ZNF496: variants seen among roughly 807,000 people sequenced by gnomAD.
The protein encoded by ZNF496 is NSD1 (nuclear receptor binding SET-domain containing 1)-interacting zinc finger protein 1.
ZNF496 carries 11 observed loss-of-function variants against 58.9 expected under a neutral mutation model. The ratio of observed to expected loss-of-function variants is 0.19; its 90% CI spans 0.12 to 0.31. The LOEUF is 0.31. Ranked by LOEUF, ZNF496 falls within the 10% of genes least tolerant of loss-of-function variation. ZNF496 has a pLI of 1.00. For synonymous variants in ZNF496, 338 were observed against 318.2 expected (o/e 1.06, Z -0.66); for missense variants, 660 against 783.0 (o/e 0.84, Z 1.88).
chr1:247,301,026 G>T lies in ZNF496; in HGVS notation c.1257C>A (p.Val419=). The T allele has an allele frequency of 6.2e-7, 1 of 1,613,724 alleles. No homozygotes were observed. The highest frequency in any genetic ancestry group is 8.5e-7 in the Non-Finnish European group (1 of 1,180,044). The change falls in exon 10 of 10, where the codon GTC becomes GTA. Residue 419 remains valine (V), a synonymous_variant. Transcript: ENST00000682384. ...GGCTCCGCAGATGCCGGATGAAGTTGACCCTCCAGCGGAAGATTTTCCCAC... is the reference window on the plus strand; with the variant it reads ...GGCTCCGCAGATGCCGGATGAAGTTTACCCTCCAGCGGAAGATTTTCCCAC... The part of the protein sequence containing the change: ...PNCGKIFRWR[V]NFIRHLRSRR...
In ZNF496 at chr1:247,329,011, C is replaced by A; in HGVS notation, c.391-145G>T. On this transcript the variant is annotated intron_variant, in intron 4 of 9. Transcript: ENST00000682384. The surrounding 1 kb of genome is among the most constrained non-coding windows in gnomAD (Gnocchi z 5.5). ...TGTAAAGGGGCACGACACTATCATG[C>A]CCAAATTAGAGCCTTCAGGGAGTAA... 1 of 1,386,348 alleles carries A rather than the reference C, an allele frequency of 7.2e-7. No individual in the cohort carries two copies. The highest frequency in any genetic ancestry group is 2.3e-5 in the East Asian group (1 of 43,156). The allele number at this position is 1,386,348 out of a possible 1,614,324, so 85.9% of individuals were successfully genotyped here.
In ZNF496 at chr1:247,308,971, T is replaced by C. The variant is rs1016745007; in HGVS notation, c.893-383A>G. ...CTGCACAAACAGCTTGTGCAGAGCC[T>C]ACAGGGTAGAGATGGTACAGGAGCT... On this transcript the variant is annotated intron_variant, in intron 8 of 9. Transcript: ENST00000682384. The surrounding 1 kb of genome is among the most constrained non-coding windows in gnomAD (Gnocchi z 4.5). 3 of 254,884 alleles carry C rather than the reference T, an allele frequency of 1.2e-5. No individual in the cohort carries two copies. Among genetic ancestry groups the C allele is most frequent in the Admixed American group, 1.0e-4 (2 of 19,676 alleles). The allele number at this position is 254,884 out of a possible 1,614,324, so 15.8% of individuals were successfully genotyped here.
At position 247,327,811 on chromosome 1, in the gene ZNF496, C is replaced by T. The variant is rs866398520; in HGVS notation, c.574+872G>A. 9.9e-4 allele frequency among the ~76,000 whole-genome samples: 76 copies of T among 76,728 alleles called. 1 individual carries two copies. The highest frequency in any genetic ancestry group is 2.0e-3 in the African/African-American group (44 of 22,070). 50.3% of individuals were successfully genotyped at this position (76,728 alleles called of 152,430 possible). Reference sequence around the variant, plus strand: ...AGTCCACCCAGAGTCATAAGAAAGCCCCCCTGGCCCCCCAGACACTCTCTT... The same window carrying T: ...AGTCCACCCAGAGTCATAAGAAAGCTCCCCTGGCCCCCCAGACACTCTCTT... On this transcript the variant is annotated intron_variant, in intron 5 of 9. Coordinates refer to ENST00000682384, the MANE Select transcript of ZNF496 (RefSeq NM_032752.3).
intron 6 of ZNF496, among the ~76,000 whole-genome samples, chr1:247,320,604 T>A (rs1227068463): frequency 2.0e-5 from 3 of 152,210 alleles, no homozygotes; most frequent in Non-Finnish European, 2.9e-5. Flanking sequence ...ACTATATTTA[T>A]AGAATATAGA....
At chr1:247,313,697 CA>C (rs1408313210) in intron 6 of ZNF496, 1 of 152,216 alleles carries the variant, frequency 6.6e-6, no homozygotes, top group Non-Finnish European at 1.5e-5. Context: ...ACGTAGTCTA[CA>C]AAAGCTGCTT....
chr1:247,314,869 C>T (rs1310274491), intron 6 of ZNF496, among the ~76,000 whole-genome samples: 4 of 152,060 alleles, frequency 2.6e-5, no homozygotes, highest in Non-Finnish European at 5.9e-5. Context: ...GCCTCAGCCC[C>T]CTAAGTAGCT....
At chr1:247,302,858 T>C (rs751173799) in intron 9 of ZNF496, among the ~76,000 whole-genome samples, 11 of 152,170 alleles carry the variant, frequency 7.2e-5, no homozygotes, top group African/African-American at 1.9e-4. Flanking sequence ...GTGTAACTTT[T>C]ACCAGGCTGC....
At chr1:247,312,733 C>CAAAAA (rs35362670) in intron 6 of ZNF496, 1 of 127,404 alleles carries the variant, frequency 7.8e-6, no homozygotes. Flanking sequence ...GACTCCATCT[C>CAAAAA]AAAAAAAAAA....
intron 6 of ZNF496, among the ~76,000 whole-genome samples, chr1:247,322,332 A>T (rs1659987490): frequency 6.6e-6 from 1 of 152,220 alleles, no homozygotes; most frequent in Non-Finnish European, 1.5e-5. Flanking sequence ...TGCAGAAAGC[A>T]AACTGCTCAG....
At chr1:247,307,170 G>C in intron 9 of ZNF496, 1 of 985,458 alleles carries the variant, frequency 1.0e-6, no homozygotes, top group Non-Finnish European at 1.2e-6. Flanking sequence ...CATGGATATA[G>C]AGAAGCAGAC....
At chr1:247,311,656 T>A (rs1414864950) in intron 6 of ZNF496, 1 of 152,214 alleles carries the variant, frequency 6.6e-6, no homozygotes, top group East Asian at 1.9e-4. Context: ...GCCCACTGTG[T>A]TGGGAGGTGA....
Position 247,301,220 on chromosome 1 carries a change from T to C in ZNF496, c.1063A>G (p.Ile355Val). The C allele has an allele frequency of 6.5e-7, 1 of 1,541,532 alleles. No homozygotes were observed. Among genetic ancestry groups the C allele is most frequent in the Non-Finnish European group, 8.7e-7 (1 of 1,145,254 alleles). The change falls in exon 10 of 10, where the codon ATC becomes GTC. Residue 355 changes from isoleucine to valine, a missense_variant. Coordinates refer to ENST00000682384, the MANE Select transcript of ZNF496 (RefSeq NM_032752.3). ...TCGTCCCCAGAGCTGGAGAGAACGA[T>C]CTCGATGGTCACTTCTTCATCCAGG... ...NSLDEEVTIE[I>V]VLSSSGDEDS...
rs1054288427 is a variant in ZNF496, at chr1:247,309,486, G to A, written c.892+213C>T. 19 of 1,402,886 alleles carry A rather than the reference G, an allele frequency of 1.4e-5. No homozygotes were observed. The African/African-American group carries it at 2.2e-4, about 16-fold the overall frequency. 86.9% of individuals were successfully genotyped at this position (1,402,886 alleles called of 1,614,324 possible). A position where few individuals can be genotyped will look rare whatever the true frequency, so the allele number is the denominator to read the frequency against. On this transcript the variant is annotated intron_variant, in intron 8 of 9. Transcript: ENST00000682384. The surrounding 1 kb of genome is among the most constrained non-coding windows in gnomAD (Gnocchi z 4.3). ...TATTATTTCCCAGTCCTTGGCCAAGGGAGTACAATTCCAATGCCTGGCAAA... is the reference window on the plus strand; with the variant it reads ...TATTATTTCCCAGTCCTTGGCCAAGAGAGTACAATTCCAATGCCTGGCAAA...
Position 247,328,873 on chromosome 1 carries a change from T to A in ZNF496, c.391-7A>T. 1.3e-6 allele frequency: 2 copies of A among 1,578,042 alleles called. No homozygotes were observed. Among genetic ancestry groups the A allele is most frequent in the East Asian group, 2.2e-5 (1 of 44,508 alleles). ...GGTCTTCACAGTGCTTGAGCTGCAATCCCAGAGACAGCTTTTCAGGGCTAG... is the reference window on the plus strand; with the variant it reads ...GGTCTTCACAGTGCTTGAGCTGCAAACCCAGAGACAGCTTTTCAGGGCTAG... On this transcript the variant is annotated splice_region_variant and splice_polypyrimidine_tract_variant and intron_variant, in intron 4 of 9. Coordinates refer to ENST00000682384, the MANE Select transcript of ZNF496 (RefSeq NM_032752.3).
chr1:247,309,879 G>C lies in ZNF496; in HGVS notation c.785-73C>G, dbSNP rs755861772. Reference sequence around the variant, plus strand: ...TGCAGCAACCAGGGCTGGTCCAGAAGAGAGAAGGCGGAGGGATGCCCAGCG... The same window carrying C: ...TGCAGCAACCAGGGCTGGTCCAGAACAGAGAAGGCGGAGGGATGCCCAGCG... On this transcript the variant is annotated intron_variant, in intron 7 of 9. Transcript: ENST00000682384. The surrounding 1 kb of genome is among the most constrained non-coding windows in gnomAD (Gnocchi z 4.3). 14 of 1,548,782 alleles carry C rather than the reference G, an allele frequency of 9.0e-6. No individual in the cohort carries two copies. The highest frequency in any genetic ancestry group is 1.2e-5 in the Non-Finnish European group (14 of 1,133,828).
At position 247,299,650 on chromosome 1, in the gene ZNF496, T is replaced by A. The variant is rs1659170832; in HGVS notation, c.*869A>T. ...CTCCACATTCCTAGACAGGACAGAT[T>A]GGAAGAAGGGACTTAAGTGCCTTTT... On this transcript the variant is annotated 3_prime_UTR_variant, in exon 10 of 10. Transcript: ENST00000682384. 2 of 152,234 alleles carry A rather than the reference T, an allele frequency of 1.3e-5. No individual in the cohort carries two copies. The highest frequency in any genetic ancestry group is 1.9e-4 in the East Asian group (1 of 5,192). The allele number at this position is 152,234 out of a possible 1,614,324, so 9.4% of individuals were successfully genotyped here.
chr1:247,313,234 T>A (rs898226007), intron 6 of ZNF496: 5 of 152,014 alleles, frequency 3.3e-5, no homozygotes, highest in Non-Finnish European at 5.9e-5. Context: ...TTTCAACATG[T>A]CAAAGCTGTG....
chr1:247,319,664 G>A (rs964386757), intron 6 of ZNF496, among the ~76,000 whole-genome samples: 3 of 152,056 alleles, frequency 2.0e-5, no homozygotes, highest in Non-Finnish European at 2.9e-5. Flanking sequence ...GGCTCACACC[G>A]GTAATCCCAG....
chr1:247,314,387 T>G (rs1323236772), intron 6 of ZNF496, among the ~76,000 whole-genome samples: 1 of 146,282 alleles, frequency 6.8e-6, no homozygotes, highest in Non-Finnish European at 1.5e-5. Flanking sequence ...ACTGTCTTGT[T>G]GATGTGTGTC....
Sources: allele counts gnomAD v4.1 joint callset (sites outside exome capture counted in the v4.1 genomes callset), GRCh38; gene constraint gnomAD v4.1.1; non-coding constraint Gnocchi (gnomAD v3.1); transcripts MANE v1.5; gene names NCBI Gene and HGNC (gene_info 2026-07-23, HGNC 2026-07-21).